The following PRMT7 variants were observed in gnomAD, a reference collection of about 807,000 sequenced individuals.
PRMT7 encodes protein arginine methyltransferase 7, also known as protein arginine N-methyltransferase 7.
In PRMT7, 75 loss-of-function variants were observed where a neutral mutation model predicts 85.4. The ratio of observed to expected loss-of-function variants is 0.88; its 90% confidence interval spans 0.73 to 1.06. The LOEUF (loss-of-function observed/expected upper bound fraction) is 1.06, where lower values mean the gene tolerates loss of function less well. Among genes scored for constraint, PRMT7 ranks in the 50% least tolerant of loss-of-function variants. The pLI is 0.00. For synonymous variants in PRMT7, 397 were observed against 359.5 expected (o/e 1.10, Z -1.18); for missense variants, 868 against 915.2 (o/e 0.95, Z 0.67).
chr16:68,345,277 A>G (rs1019886663), intron 9 of PRMT7, among the ~76,000 whole-genome samples: 14 of 152,168 alleles, frequency 9.2e-5, no homozygotes, highest in Middle Eastern at 3.2e-3. Context: ...CGTGCCATGG[A>G]CTGTTCTGAA....
At chr16:68,356,018 C>A in intron 17 of PRMT7, 135 bp downstream of exon 17, 1 of 1,029,808 alleles carries the variant, frequency 9.7e-7, no homozygotes, top group Non-Finnish European at 1.3e-6. Context: ...CAACCTTGCC[C>A]TTCCCTGTCA....
downstream of PRMT7, chr16:68,360,225 G>A (rs1025116881): frequency 6.6e-6 from 1 of 152,546 alleles, no homozygotes; most frequent in Non-Finnish European, 1.5e-5. Flanking sequence ...GTGTCCCGTG[G>A]GGGAGAGGAT....
rs1374963027 is a variant in PRMT7, at chr16:68,356,682, G to GC, written c.1812-13dup. On this transcript the variant is annotated intron_variant, in intron 17 of 18. Transcript: ENST00000441236. Reference sequence around the variant, plus strand: ...CCTCTTGTGTGACTACTTCTGCTGGGCCCCCCTCTCCTTGACAGGCCCGGG... The same window carrying GC: ...CCTCTTGTGTGACTACTTCTGCTGGGCCCCCCCTCTCCTTGACAGGCCCGGG... 3.1e-6 allele frequency: 5 copies of GC among 1,599,564 alleles called. No homozygotes were observed. The highest frequency in any genetic ancestry group is 4.3e-6 in the Non-Finnish European group (5 of 1,170,906).
At chr16:68,350,021 G>T (rs2087047438) in intron 14 of PRMT7, among the ~76,000 whole-genome samples, 1 of 152,252 alleles carries the variant, frequency 6.6e-6, no homozygotes, top group African/African-American at 2.4e-5. Flanking sequence ...TCCAGTATGT[G>T]CCTCTTCTGG....
intron 7 of PRMT7, among the ~76,000 whole-genome samples, chr16:68,338,151 G>A (rs1478927685): frequency 1.3e-5 from 2 of 152,170 alleles, no homozygotes; most frequent in African/African-American, 4.8e-5. Context: ...GATGTGTGGA[G>A]GGCAGTTGGG....
At chr16:68,322,398 G>C (rs752202319) in intron 4 of PRMT7, 1 of 451,692 alleles carries the variant, frequency 2.2e-6, no homozygotes. Context: ...GAGTTTCGCT[G>C]TATTGCCCAG....
chr16:68,353,772 G>A (rs1023938415), intron 16 of PRMT7, among the ~76,000 whole-genome samples: 1 of 152,176 alleles, frequency 6.6e-6, no homozygotes, highest in Non-Finnish European at 1.5e-5. Context: ...AATCTCCACT[G>A]GGCCTGCACG....
intron 5 of PRMT7, among the ~76,000 whole-genome samples, chr16:68,327,445 C>T (rs1597225157): frequency 6.6e-6 from 1 of 152,162 alleles, no homozygotes; most frequent in African/African-American, 2.4e-5. Flanking sequence ...ATTCATGCTG[C>T]CCTGGGAAGT....
chr16:68,350,119 C>T (rs766540888), intron 14 of PRMT7, among the ~76,000 whole-genome samples: 15 of 152,200 alleles, frequency 9.9e-5, no homozygotes, highest in Non-Finnish European at 1.3e-4. Flanking sequence ...TCACCCATTT[C>T]GTTCTTTTGA....
In PRMT7 at chr16:68,356,947, C is replaced by T. The variant is rs926481846; in HGVS notation, c.1909-107C>T. 2.8e-6 allele frequency: 4 copies of T among 1,407,632 alleles called. No homozygotes were observed. In the African/African-American group the frequency reaches 4.3e-5, roughly 15 times the overall value. 87.2% of individuals were successfully genotyped at this position (1,407,632 alleles called of 1,614,324 possible). Reference sequence around the variant, plus strand: ...CCTCAGTGGTCCTGGGCCATCTGGCCCCTGAGCAGCTTCTCTCTGCTGCGA... The same window carrying T: ...CCTCAGTGGTCCTGGGCCATCTGGCTCCTGAGCAGCTTCTCTCTGCTGCGA... On this transcript the variant is annotated intron_variant, in intron 18 of 18. Coordinates refer to ENST00000441236, the MANE Select transcript of PRMT7 (RefSeq NM_019023.5).
intron 12 of PRMT7, 119 bp downstream of exon 12, chr16:68,347,413 G>A: frequency 8.8e-7 from 1 of 1,135,976 alleles, no homozygotes; most frequent in Non-Finnish European, 1.2e-6. Context: ...TGTGGGCACA[G>A]CATGCTCGGG....
chr16:68,335,146 TATATA>T (rs2084473747), intron 6 of PRMT7, among the ~76,000 whole-genome samples: 1 of 152,188 alleles, frequency 6.6e-6, no homozygotes, highest in Non-Finnish European at 1.5e-5. Context: ...CATTTTAAGT[TATATA>T]ATTGGTTTAA....
Position 68,348,577 on chromosome 16 carries a change from A to G in PRMT7, c.1413+146A>G, listed in dbSNP as rs1268367925. On this transcript the variant is annotated intron_variant, in intron 14 of 18. Coordinates refer to ENST00000441236, the MANE Select transcript of PRMT7 (RefSeq NM_019023.5). ...TACCTCCTACGAGCTCCCACCATCAAGGGTGTGGTGAAGCTTTCATGGAGC... is the reference window on the plus strand; with the variant it reads ...TACCTCCTACGAGCTCCCACCATCAGGGGTGTGGTGAAGCTTTCATGGAGC... 4 of 482,180 alleles carry G rather than the reference A, an allele frequency of 8.3e-6. No homozygotes were observed. The East Asian group carries it at 1.5e-4, about 18-fold the overall frequency. 29.9% of individuals were successfully genotyped at this position (482,180 alleles called of 1,614,324 possible).
At chr16:68,356,821 G>C (rs777336966) in intron 18 of PRMT7, 24 bp downstream of exon 18, 5 of 1,589,236 alleles carry the variant, frequency 3.1e-6, no homozygotes, top group Non-Finnish European at 4.3e-6. Flanking sequence ...ACCGGGCCCA[G>C]TGTGCGTGCA....
chr16:68,353,945 T>A (rs894196138), intron 16 of PRMT7, among the ~76,000 whole-genome samples: 4 of 152,114 alleles, frequency 2.6e-5, no homozygotes, highest in African/African-American at 9.7e-5. Flanking sequence ...ATTTACATGG[T>A]AGGGGTTAGC....
intron 6 of PRMT7, among the ~76,000 whole-genome samples, chr16:68,331,086 C>T (rs77439732): frequency 6.6e-6 from 1 of 152,140 alleles, no homozygotes; most frequent in Admixed American, 6.5e-5. Flanking sequence ...CAAAGAGATT[C>T]CTCATAACCC....
At chr16:68,329,452 C>A in intron 6 of PRMT7, 1 of 253,860 alleles carries the variant, frequency 3.9e-6, no homozygotes, top group Non-Finnish European at 7.8e-6. Flanking sequence ...TTATGGGGCT[C>A]AACTCTTGAG....
At chr16:68,345,912 AT>A (rs2086286506) in intron 10 of PRMT7, 110 bp downstream of exon 10, 1 of 1,488,514 alleles carries the variant, frequency 6.7e-7, no homozygotes, top group African/African-American at 1.4e-5. Flanking sequence ...TCTGGACAGA[AT>A]AACATAAGAA....
chr16:68,352,710 G>A, intron 15 of PRMT7: 1 of 226,436 alleles, frequency 4.4e-6, no homozygotes, highest in Non-Finnish European at 8.5e-6. Context: ...GGCCTGCTCT[G>A]CTCTCATTAA....
Sources: gnomAD v4.1 joint callset for allele counts (sites outside exome capture counted in the v4.1 genomes callset) on GRCh38, gnomAD v4.1.1 for gene constraint, MANE v1.5 for transcripts, NCBI Gene and HGNC (gene_info 2026-07-23, HGNC 2026-07-21) for gene names.